Variants in GALNT18 observed in about 807,000 individuals in gnomAD.
GALNT18 encodes polypeptide N-acetylgalactosaminyltransferase 18.
GALNT18 carries 44 observed loss-of-function variants against 69.5 expected under a neutral mutation model. That is an observed-to-expected ratio of 0.63 (90% CI 0.50 to 0.81). The LOEUF is 0.81. Ranked by LOEUF, GALNT18 falls within the 40% of genes least tolerant of loss-of-function variation. The pLI is 0.00. For synonymous variants in GALNT18, 364 were observed against 318.2 expected, an observed-to-expected ratio of 1.14 and a Z score of -1.53; for missense variants, 715 against 810.0, an observed-to-expected ratio of 0.88 and a Z score of 1.42.
chr11:11,285,707 T>G (rs1849179688), intron 10 of GALNT18, among the ~76,000 whole-genome samples: 1 of 152,206 alleles, frequency 6.6e-6, no homozygotes, highest in South Asian at 2.1e-4. Flanking sequence ...ACACAAAAGG[T>G]TCTCAAAGTT....
chr11:11,558,228 G>A (rs1402929898), intron 1 of GALNT18, among the ~76,000 whole-genome samples: 1 of 152,172 alleles, frequency 6.6e-6, no homozygotes, highest in African/African-American at 2.4e-5. Flanking sequence ...TGATCAAGGT[G>A]TACTCTTAAT....
chr11:11,505,614 G>C lies in GALNT18; in HGVS notation c.236-56678C>G, dbSNP rs959982089. ...GCCACATCATCTGGATTCAGTCTCC[G>C]ACATCCCAATGAAAGCATTCTCACT... is the stretch of plus-strand genomic sequence containing the variant. On this transcript the variant is annotated intron_variant, in intron 1 of 10. Coordinates refer to ENST00000227756, the MANE Select transcript of GALNT18 (RefSeq NM_198516.3). The surrounding 1 kb of genome is among the most constrained non-coding windows in gnomAD (Gnocchi z 4.6). Among the ~76,000 whole-genome samples the C allele has an allele frequency of 6.6e-6, 1 of 152,026 alleles. No individual in the cohort carries two copies.
chr11:11,376,189 T>C (rs1853751392), intron 5 of GALNT18, among the ~76,000 whole-genome samples: 1 of 152,102 alleles, frequency 6.6e-6, no homozygotes, highest in Non-Finnish European at 1.5e-5. Flanking sequence ...AAGACCAGCC[T>C]GGCCAACATG....
intron 3 of GALNT18, among the ~76,000 whole-genome samples, chr11:11,394,352 T>G (rs1011747824): frequency 6.6e-6 from 1 of 152,064 alleles, no homozygotes; most frequent in East Asian, 1.9e-4. Flanking sequence ...TATGGCTGAG[T>G]GTAGGGATAC....
rs1240815915 is a variant in GALNT18, at chr11:11,501,711, C to T, written c.236-52775G>A. Among the ~76,000 whole-genome samples the T allele has an allele frequency of 2.6e-5, 4 of 152,238 alleles. No homozygotes were observed. In the East Asian group the frequency reaches 7.7e-4, roughly 29 times the overall value. ...CAGAAGACCTGGAACAAATGTTGGCCTCTATTACTCATATCAGCCATCATA... is the reference window on the plus strand; with the variant it reads ...CAGAAGACCTGGAACAAATGTTGGCTTCTATTACTCATATCAGCCATCATA... On this transcript the variant is annotated intron_variant, in intron 1 of 10. Coordinates refer to ENST00000227756, the MANE Select transcript of GALNT18 (RefSeq NM_198516.3).
chr11:11,578,788 T>TGAAGGGGAGAA (rs1363755430), intron 1 of GALNT18, among the ~76,000 whole-genome samples: 1 of 152,142 alleles, frequency 6.6e-6, no homozygotes, highest in Non-Finnish European at 1.5e-5. Context: ...GCAAAATCAA[T>TGAAGGGGAGAA]GAAGGGGAGA....
At chr11:11,528,555 A>T (rs1857570486) in intron 1 of GALNT18, among the ~76,000 whole-genome samples, 1 of 152,222 alleles carries the variant, frequency 6.6e-6, no homozygotes, top group South Asian at 2.1e-4. Flanking sequence ...TGAGAAGCTG[A>T]TAAGGGGAAT....
chr11:11,462,871 A>C (rs1248192378), intron 1 of GALNT18, among the ~76,000 whole-genome samples: 1 of 152,118 alleles, frequency 6.6e-6, no homozygotes, highest in Non-Finnish European at 1.5e-5. Context: ...GGGTCCTGCA[A>C]AATGGCTCTG....
chr11:11,591,377 A>T lies in GALNT18; in HGVS notation c.235+29982T>A, dbSNP rs1223005385. 6.6e-6 allele frequency among the ~76,000 whole-genome samples: 1 copy of T among 152,162 alleles called. No homozygotes were observed. The highest frequency in any genetic ancestry group is 1.5e-5 in the Non-Finnish European group (1 of 68,024). On this transcript the variant is annotated intron_variant, in intron 1 of 10. Coordinates refer to ENST00000227756, the MANE Select transcript of GALNT18 (RefSeq NM_198516.3). The surrounding 1 kb of genome is among the most constrained non-coding windows in gnomAD (Gnocchi z 4.8). ...TATGTGATACATGACTGTATAGATA[A>T]AGCATCTAACACGGTCCTTGGCTCA...
At position 11,596,794 on chromosome 11, in the gene GALNT18, G is replaced by A. The variant is rs1859510343; in HGVS notation, c.235+24565C>T. Reference sequence around the variant, plus strand: ...TACATGATTATGTCATCTGCAAACAGAGATAGTTTTACTTTCTTTAAAACA... The same window carrying A: ...TACATGATTATGTCATCTGCAAACAAAGATAGTTTTACTTTCTTTAAAACA... On this transcript the variant is annotated intron_variant, in intron 1 of 10. Coordinates refer to ENST00000227756, the MANE Select transcript of GALNT18 (RefSeq NM_198516.3). This position sits in a 1 kb window ranked among gnomAD's most constrained non-coding sequence, Gnocchi z 4.2. Among the ~76,000 whole-genome samples the A allele has an allele frequency of 6.6e-6, 1 of 152,118 alleles. No homozygotes were observed. Among genetic ancestry groups the A allele is most frequent in the Admixed American group, 6.5e-5 (1 of 15,278 alleles).
In GALNT18 at chr11:11,584,717, G is replaced by T. The variant is rs1306958930; in HGVS notation, c.235+36642C>A. On this transcript the variant is annotated intron_variant, in intron 1 of 10. Coordinates refer to ENST00000227756, the MANE Select transcript of GALNT18 (RefSeq NM_198516.3). This position sits in a 1 kb window ranked among gnomAD's most constrained non-coding sequence, Gnocchi z 4.1. ...TTCTGCTGCAGACTGAAGTATGAAG[G>T]TTGTCTCAAGAGAAAGAGCTTATAC... 1.3e-5 allele frequency among the ~76,000 whole-genome samples: 2 copies of T among 152,268 alleles called. No individual in the cohort carries two copies. Among genetic ancestry groups the T allele is most frequent in the East Asian group, 3.9e-4 (2 of 5,184 alleles).
intron 3 of GALNT18, among the ~76,000 whole-genome samples, chr11:11,385,172 CTAG>C (rs1432028643): frequency 6.6e-6 from 1 of 151,984 alleles, no homozygotes; most frequent in Non-Finnish European, 1.5e-5. Context: ...GTCATGGGAA[CTAG>C]TAGAGGGAAA....
In GALNT18 at chr11:11,293,275, A is replaced by G. The variant is rs113829057; in HGVS notation, c.1513-82T>C. On this transcript the variant is annotated intron_variant, in intron 9 of 10. Coordinates refer to ENST00000227756, the MANE Select transcript of GALNT18 (RefSeq NM_198516.3). Reference sequence around the variant, plus strand: ...AGCATAGGTGGTGATTCTTCCAGGCAGCTGGCAGAGAGGCCACAGTTAGGG... The same window carrying G: ...AGCATAGGTGGTGATTCTTCCAGGCGGCTGGCAGAGAGGCCACAGTTAGGG... 618 of 1,190,290 alleles carry G rather than the reference A, an allele frequency of 5.2e-4. 4 individuals carry two copies. The African/African-American group carries it at 8.4e-3, about 16-fold the overall frequency. 73.7% of individuals were successfully genotyped at this position (1,190,290 alleles called of 1,614,324 possible). A position where few individuals can be genotyped will look rare whatever the true frequency, so the allele number is the denominator to read the frequency against.
At chr11:11,433,302 T>C (rs1386471940) in intron 2 of GALNT18, among the ~76,000 whole-genome samples, 3 of 152,238 alleles carry the variant, frequency 2.0e-5, no homozygotes, top group Admixed American at 1.3e-4. Context: ...CTCCTGCTTC[T>C]CACTCATCAC....
Position 11,340,838 on chromosome 11 carries a change from G to A in GALNT18, c.1259C>T (p.Ala420Val), listed in dbSNP as rs1443287667. 6.2e-7 allele frequency: 1 copy of A among 1,613,188 alleles called. No individual in the cohort carries two copies. The highest frequency in any genetic ancestry group is 8.5e-7 in the Non-Finnish European group (1 of 1,179,654). The change falls in exon 7 of 11, where the codon GCA (alanine) becomes GTA (valine). Residue 420 changes from alanine (A) to valine (V), a missense_variant. Coordinates refer to ENST00000227756, the MANE Select transcript of GALNT18 (RefSeq NM_198516.3). The surrounding 1 kb of genome is among the most constrained non-coding windows in gnomAD (Gnocchi z 4.2). ...CCCTACCTCCTGCGGTATGTTCCATGCCATGTAGACGTGGCTTTTAAATTC... is the reference window on the plus strand; with the variant it reads ...CCCTACCTCCTGCGGTATGTTCCATACCATGTAGACGTGGCTTTTAAATTC... ...MDEFKSHVYM[A>V]WNIPQEDSGI...
At chr11:11,394,017 AAGTC>A (rs10549307) in intron 3 of GALNT18, among the ~76,000 whole-genome samples, 20,821 of 152,142 alleles carry the variant, frequency 0.14, 1,513 homozygotes, top group Middle Eastern at 0.2. Context: ...GACGGGGAGT[AAGTC>A]AGTATCCACC....
intron 3 of GALNT18, among the ~76,000 whole-genome samples, chr11:11,391,573 A>G: frequency 6.6e-6 from 1 of 152,260 alleles, no homozygotes; most frequent in East Asian, 1.9e-4. Flanking sequence ...GCAGATGAAA[A>G]AATAAAGGAA....
chr11:11,560,728 T>C (rs1263157338), intron 1 of GALNT18, among the ~76,000 whole-genome samples: 1 of 152,234 alleles, frequency 6.6e-6, no homozygotes, highest in Non-Finnish European at 1.5e-5. Flanking sequence ...TCTGTATGCC[T>C]GCCTGCCTTA....
chr11:11,406,631 C>T, intron 3 of GALNT18, among the ~76,000 whole-genome samples: 1 of 152,088 alleles, frequency 6.6e-6, no homozygotes, highest in East Asian at 1.9e-4. Flanking sequence ...CACCAGGGAC[C>T]CAGAGGGTTA....
Sources: gnomAD v4.1 joint callset for allele counts (sites outside exome capture counted in the v4.1 genomes callset) on GRCh38, gnomAD v4.1.1 for gene constraint, Gnocchi (gnomAD v3.1) non-coding constraint, MANE v1.5 for transcripts, NCBI Gene and HGNC (gene_info 2026-07-23, HGNC 2026-07-21) for gene names.